Variants in SRRM4 observed in about 807,000 individuals in gnomAD.
SRRM4 encodes serine/arginine repetitive matrix 4.
Under a neutral mutation model 68.9 loss-of-function variants are expected in SRRM4, and 33 were observed. The observed-to-expected ratio is 0.48, with a 90% CI of 0.36 to 0.64. The LOEUF (loss-of-function observed/expected upper bound fraction) is 0.64. Among genes scored for constraint, SRRM4 ranks in the 30% least tolerant of loss-of-function variants. The pLI is 0.00. For synonymous variants in SRRM4, 318 were observed against 318.8 expected, an observed-to-expected ratio of 1.00 and a Z score of 0.03; for missense variants, 817 against 827.1, an observed-to-expected ratio of 0.99 and a Z score of 0.15.
intron 8 of SRRM4, chr12:119,132,953 GAAATAATAATA>G (rs1954307200): frequency 6.6e-6 from 1 of 152,116 alleles, no homozygotes; most frequent in African/African-American, 2.4e-5. Context: ...TCATCTGTAA[GAAATAATAATA>G]AAATAATAAT....
chr12:119,050,247 TA>T (rs1953733908), intron 1 of SRRM4, among the ~76,000 whole-genome samples: 1 of 152,214 alleles, frequency 6.6e-6, no homozygotes, highest in Non-Finnish European at 1.5e-5. Context: ...GTTCTAGGCA[TA>T]ACATGGTTTT....
At chr12:119,111,538 A>C (rs1248038851) in intron 2 of SRRM4, among the ~76,000 whole-genome samples, 2 of 152,226 alleles carry the variant, frequency 1.3e-5, no homozygotes, top group Non-Finnish European at 2.9e-5. Flanking sequence ...CTCATTTTGT[A>C]AGACACACTC....
At chr12:119,021,948 A>G (rs1475151709) in intron 1 of SRRM4, among the ~76,000 whole-genome samples, 1 of 152,124 alleles carries the variant, frequency 6.6e-6, no homozygotes, top group Non-Finnish European at 1.5e-5. Flanking sequence ...TATACCCAGT[A>G]ATGGGATTGC....
chr12:118,992,087 GAT>G lies in SRRM4; in HGVS notation c.131+10077_131+10078del, dbSNP rs1386404484. On this transcript the variant is annotated intron_variant, in intron 1 of 12. Transcript: ENST00000267260. The stretch of plus-strand genomic sequence containing the variant: ...GTTCTCAGCATTTCTCACTGAGAGA[GAT>G]ATGAGATAAAAGAAACTTTGGGGTC... The G allele has an allele frequency of 1.8e-4, 27 of 152,356 alleles. 1 individual carries two copies. The highest frequency in any genetic ancestry group is 1.4e-3 in the Admixed American group (21 of 15,312). 9.4% of individuals were successfully genotyped at this position (152,356 alleles called of 1,614,324 possible). A position where few individuals can be genotyped will look rare whatever the true frequency, so the allele number is the denominator to read the frequency against.
intron 1 of SRRM4, among the ~76,000 whole-genome samples, chr12:119,042,173 G>A (rs765048392): frequency 1.4e-4 from 22 of 152,110 alleles, no homozygotes; most frequent in Non-Finnish European, 3.2e-4. Flanking sequence ...TCCCAGGTCA[G>A]TGGTCTTTTC....
chr12:118,987,113 A>T (rs1318715770), intron 1 of SRRM4, among the ~76,000 whole-genome samples: 1 of 152,050 alleles, frequency 6.6e-6, no homozygotes, highest in Non-Finnish European at 1.5e-5. Context: ...CCAGGCTCAA[A>T]TCTTTCTTTG....
At chr12:119,042,107 T>C (rs1953673453) in intron 1 of SRRM4, among the ~76,000 whole-genome samples, 1 of 152,094 alleles carries the variant, frequency 6.6e-6, no homozygotes, top group Non-Finnish European at 1.5e-5. Context: ...TCCAAGACTT[T>C]CCCAAGAACA....
intron 8 of SRRM4, among the ~76,000 whole-genome samples, chr12:119,136,600 G>A (rs890536186): frequency 1.3e-5 from 2 of 152,178 alleles, no homozygotes; most frequent in African/African-American, 4.8e-5. Flanking sequence ...ATCAGAAGAA[G>A]TAGGAAAGAC....
intron 6 of SRRM4, among the ~76,000 whole-genome samples, chr12:119,123,843 G>C (rs1954239815): frequency 6.6e-6 from 1 of 152,186 alleles, no homozygotes; most frequent in Non-Finnish European, 1.5e-5. Flanking sequence ...AGATGAGCCA[G>C]ACACTGTCCT....
chr12:119,060,265 C>T (rs1478330953), intron 1 of SRRM4, among the ~76,000 whole-genome samples: 1 of 151,564 alleles, frequency 6.6e-6, no homozygotes, highest in African/African-American at 2.4e-5. Context: ...TGGAATTACT[C>T]ACTTCGGTGG....
chr12:119,143,889 G>A (rs928594266), intron 8 of SRRM4, among the ~76,000 whole-genome samples: 2 of 152,088 alleles, frequency 1.3e-5, no homozygotes, highest in Non-Finnish European at 2.9e-5. Flanking sequence ...CATCCCATAG[G>A]GATGGTTATC....
intron 1 of SRRM4, among the ~76,000 whole-genome samples, chr12:119,064,966 A>G (rs1953836575): frequency 6.6e-6 from 1 of 152,220 alleles, no homozygotes; most frequent in Non-Finnish European, 1.5e-5. Flanking sequence ...CTTTACTGAT[A>G]ACAATACGAG....
At chr12:119,108,955 A>T (rs1020472399) in intron 2 of SRRM4, among the ~76,000 whole-genome samples, 4 of 152,094 alleles carry the variant, frequency 2.6e-5, no homozygotes, top group African/African-American at 9.7e-5. Flanking sequence ...TGCAGTGGCT[A>T]GTATCAGTTG....
At chr12:119,093,974 AC>A (rs1954029000) in intron 1 of SRRM4, among the ~76,000 whole-genome samples, 1 of 151,966 alleles carries the variant, frequency 6.6e-6, no homozygotes, top group Non-Finnish European at 1.5e-5. Flanking sequence ...TGAGTTCAAA[AC>A]CCGGTCAGGT....
At position 119,102,299 on chromosome 12, in the gene SRRM4, G is replaced by A; in HGVS notation, c.195G>A (p.Gln65=). ...ATGGACCCTCAGAAAAGCTGGGTCA[G>A]CATCTGGCCACCGAGCCCTTGGGCA... is the stretch of plus-strand genomic sequence containing the variant. ...AQDGPSEKLG[Q]HLATEPLGTN... Residue 65 remains glutamine (Q), a synonymous_variant, in exon 2 of 13, where the codon CAG becomes CAA. Coordinates refer to ENST00000267260, the MANE Select transcript of SRRM4 (RefSeq NM_194286.4). 1 of 1,613,752 alleles carries A rather than the reference G, an allele frequency of 6.2e-7. No homozygotes were observed. The highest frequency in any genetic ancestry group is 8.5e-7 in the Non-Finnish European group (1 of 1,179,816).
intron 1 of SRRM4, among the ~76,000 whole-genome samples, chr12:119,005,345 G>A (rs980262562): frequency 6.6e-6 from 1 of 152,240 alleles, no homozygotes; most frequent in African/African-American, 2.4e-5. Context: ...AGCATGTGGT[G>A]CAGTGGTTCT....
intron 1 of SRRM4, among the ~76,000 whole-genome samples, chr12:119,028,418 C>A (rs1236234042): frequency 1.3e-5 from 2 of 152,080 alleles, no homozygotes; most frequent in Non-Finnish European, 2.9e-5. Context: ...AGTGAATAAG[C>A]CTCACAAGAT....
chr12:119,013,645 T>G (rs1212412116), intron 1 of SRRM4, among the ~76,000 whole-genome samples: 1 of 152,218 alleles, frequency 6.6e-6, no homozygotes, highest in Non-Finnish European at 1.5e-5. Context: ...ATTTTTAAAA[T>G]ATATGACTGC....
At chr12:119,032,644 T>C (rs1026057582) in intron 1 of SRRM4, among the ~76,000 whole-genome samples, 1 of 152,194 alleles carries the variant, frequency 6.6e-6, no homozygotes, top group African/African-American at 2.4e-5. Context: ...AAGATTAGGG[T>C]TATGCTAATC....
Sources: gnomAD v4.1 joint callset for allele counts (sites outside exome capture counted in the v4.1 genomes callset) on GRCh38, gnomAD v4.1.1 for gene constraint, MANE v1.5 for transcripts, NCBI Gene and HGNC (gene_info 2026-07-23, HGNC 2026-07-21) for gene names.